The following SPOCK1 variants were observed in gnomAD, a reference collection of about 807,000 sequenced individuals.
SPOCK1 encodes testican-1.
In SPOCK1, 23 loss-of-function variants were observed where a neutral mutation model predicts 55.3. The observed-to-expected ratio is 0.42, with a 90% confidence interval of 0.30 to 0.59. The LOEUF (loss-of-function observed/expected upper bound fraction) is 0.59, where lower values mean the gene tolerates loss of function less well. Among genes scored for constraint, SPOCK1 ranks in the 20% least tolerant of loss-of-function variants. SPOCK1 has a pLI of 0.22. For synonymous variants in SPOCK1, 226 were observed against 221.0 expected (o/e 1.02, Z -0.20); for missense variants, 499 against 552.5 (o/e 0.90, Z 0.97).
chr5:137,260,833 A>G (rs915185702), intron 3 of SPOCK1, among the ~76,000 whole-genome samples: 4 of 152,246 alleles, frequency 2.6e-5, no homozygotes, highest in Admixed American at 2.6e-4. Context: ...TATTGTCACA[A>G]TGAAGAAACA....
At chr5:137,213,653 A>C (rs11242374) in intron 3 of SPOCK1, among the ~76,000 whole-genome samples, 2 of 152,022 alleles carry the variant, frequency 1.3e-5, no homozygotes, top group Admixed American at 1.3e-4. Context: ...CATGCTCCAA[A>C]CTAATTCAGT....
At chr5:137,022,360 G>A (rs1351066667) in intron 6 of SPOCK1, among the ~76,000 whole-genome samples, 3 of 152,044 alleles carry the variant, frequency 2.0e-5, no homozygotes, top group South Asian at 4.2e-4. Flanking sequence ...CCAGTCCCAG[G>A]CACTATCTGC....
At chr5:137,103,086 G>A (rs935659042) in intron 5 of SPOCK1, among the ~76,000 whole-genome samples, 7 of 152,064 alleles carry the variant, frequency 4.6e-5, no homozygotes, top group African/African-American at 1.4e-4. Context: ...TGCCTCCCAG[G>A]TTCAAGAGAT....
At chr5:137,149,752 C>A (rs1189988318) in intron 3 of SPOCK1, among the ~76,000 whole-genome samples, 1 of 152,164 alleles carries the variant, frequency 6.6e-6, no homozygotes, top group Non-Finnish European at 1.5e-5. Context: ...GGAAACTCAG[C>A]AACTCCAAGA....
chr5:137,486,318 C>T (rs1399219651), intron 2 of SPOCK1, among the ~76,000 whole-genome samples: 1 of 152,206 alleles, frequency 6.6e-6, no homozygotes, highest in African/African-American at 2.4e-5. Flanking sequence ...AGACATGGCC[C>T]TGGATCACAA....
At chr5:137,056,169 T>C (rs927180668) in intron 6 of SPOCK1, among the ~76,000 whole-genome samples, 9 of 152,084 alleles carry the variant, frequency 5.9e-5, no homozygotes, top group Non-Finnish European at 1.3e-4. Flanking sequence ...AAGCTGGAGC[T>C]GAAGACCCTG....
intron 5 of SPOCK1, among the ~76,000 whole-genome samples, chr5:137,092,302 C>G (rs555624336): frequency 6.6e-6 from 1 of 152,190 alleles, no homozygotes; most frequent in Admixed American, 6.5e-5. Context: ...AGATGTGTAA[C>G]GAGAGGCCCT....
chr5:137,463,702 C>A (rs1201240371), intron 2 of SPOCK1, among the ~76,000 whole-genome samples: 3 of 152,144 alleles, frequency 2.0e-5, no homozygotes, highest in African/African-American at 7.2e-5. Context: ...GTAATCCCAG[C>A]ACTTTGAGAG....
chr5:137,447,491 A>G (rs1753153006), intron 2 of SPOCK1, among the ~76,000 whole-genome samples: 1 of 152,254 alleles, frequency 6.6e-6, no homozygotes, highest in Non-Finnish European at 1.5e-5. Flanking sequence ...TGTGACAAAA[A>G]GCTACTGGCA....
At position 137,464,601 on chromosome 5, in the gene SPOCK1, G is replaced by A. The variant is rs372957257; in HGVS notation, c.186+33772C>T. Among the ~76,000 whole-genome samples, 3 of 149,838 alleles carry A rather than the reference G, an allele frequency of 2.0e-5. No individual in the cohort carries two copies. The South Asian group carries it at 6.4e-4, about 32-fold the overall frequency. ...ACAGGCCTGGGTGGGGTGGGGTGGG[G>A]TGGTAGATAGCAACAGCCTGCCAGT... is the stretch of plus-strand genomic sequence containing the variant. On this transcript the variant is annotated intron_variant, in intron 2 of 10. Transcript: ENST00000394945.
At chr5:137,367,712 G>A (rs1226196468) in intron 2 of SPOCK1, among the ~76,000 whole-genome samples, 1 of 152,204 alleles carries the variant, frequency 6.6e-6, no homozygotes, top group African/African-American at 2.4e-5. Context: ...AAGCAGCTCA[G>A]GCTAAACAGT....
intron 5 of SPOCK1, among the ~76,000 whole-genome samples, chr5:137,079,375 G>A (rs116053049): frequency 2.6e-4 from 40 of 152,262 alleles, no homozygotes; most frequent in African/African-American, 9.4e-4. Context: ...CTGAACAATC[G>A]ACACAGCTCT....
At chr5:137,160,578 A>ATATATATTTTATATAATATAT (rs1754520023) in intron 3 of SPOCK1, among the ~76,000 whole-genome samples, 1 of 47,080 alleles carries the variant, frequency 2.1e-5, no homozygotes, top group African/African-American at 7.5e-5. Context: ...ATATTATATA[A>ATATATATTTTATATAATATAT]TATATATAAT....
At chr5:137,362,626 C>T (rs1750976226) in intron 2 of SPOCK1, among the ~76,000 whole-genome samples, 1 of 152,162 alleles carries the variant, frequency 6.6e-6, no homozygotes, top group Non-Finnish European at 1.5e-5. Context: ...CCGCGCCCGG[C>T]CAGCAAACTT....
chr5:137,224,210 A>G (rs967464406), intron 3 of SPOCK1, among the ~76,000 whole-genome samples: 2 of 152,236 alleles, frequency 1.3e-5, no homozygotes, highest in African/African-American at 4.8e-5. Context: ...AGCTTAATAT[A>G]TTATTGGAAC....
Position 137,369,082 on chromosome 5 carries a change from G to A in SPOCK1, c.187-102027C>T, listed in dbSNP as rs77126127. On this transcript the variant is annotated intron_variant, in intron 2 of 10. Coordinates refer to ENST00000394945, the MANE Select transcript of SPOCK1 (RefSeq NM_004598.4). The stretch of plus-strand genomic sequence containing the variant: ...TTGGACTCCTACCATGGTGGTGTCA[G>A]TTGAGCTGACAAGTAGGCTGAGTTG... Among the ~76,000 whole-genome samples the A allele has an allele frequency of 3.0e-4, 46 of 152,348 alleles. 1 individual carries two copies. Among genetic ancestry groups the A allele is most frequent in the Non-Finnish European group, 5.7e-4 (39 of 68,036 alleles).
intron 2 of SPOCK1, among the ~76,000 whole-genome samples, chr5:137,326,238 T>C (rs1758074577): frequency 6.7e-6 from 1 of 150,206 alleles, no homozygotes; most frequent in African/African-American, 2.5e-5. Flanking sequence ...TATCCTAACA[T>C]CAACCCTTTA....
At chr5:137,301,661 T>A (rs1269980133) in intron 2 of SPOCK1, among the ~76,000 whole-genome samples, 1 of 139,292 alleles carries the variant, frequency 7.2e-6, no homozygotes, top group African/African-American at 2.8e-5. Flanking sequence ...TTTTTGAGTA[T>A]GTTCTCATTT....
intron 5 of SPOCK1, among the ~76,000 whole-genome samples, chr5:137,100,330 C>CTT (rs1240651496): frequency 1.3e-5 from 2 of 152,208 alleles, no homozygotes; most frequent in Admixed American, 6.5e-5. Context: ...CATTCCACCT[C>CTT]TCCTTGTCCC....
Sources: allele counts gnomAD v4.1 joint callset (sites outside exome capture counted in the v4.1 genomes callset), GRCh38; gene constraint gnomAD v4.1.1; transcripts MANE v1.5; gene names NCBI Gene and HGNC (gene_info 2026-07-23, HGNC 2026-07-21).